Variants in SMIM27 observed in about 807,000 individuals in gnomAD.
The protein encoded by SMIM27 is transition zone microprotein 1, also known as TOPORS antisense RNA 1 (non-protein coding).
Under a neutral mutation model 1.8 loss-of-function variants are expected in SMIM27, and 3 were observed. The observed-to-expected ratio is 1.65, with a 90% CI of 0.75 to 4.28. The LOEUF is 4.28. Among genes scored for constraint, SMIM27 ranks in the 30% most tolerant of loss-of-function variants. The pLI is 0.02. For missense variants in SMIM27, 63 were observed against 37.0 expected (o/e 1.70, Z -1.83); for synonymous variants, 19 against 13.9 (o/e 1.37, Z -0.82).
chr9:32,555,604 A>T (rs1563990892), downstream of SMIM27, among the ~76,000 whole-genome samples: 1 of 152,268 alleles, frequency 6.6e-6, no homozygotes, highest in African/African-American at 2.4e-5. Flanking sequence ...CTAAATGTTA[A>T]GGGAAATGGA....
At chr9:32,553,597 T>A (rs1821366664), downstream of SMIM27, 1 of 375,600 alleles carries the variant, frequency 2.7e-6, no homozygotes, top group East Asian at 6.1e-5. Context: ...AAGTACTGTG[T>A]AAGAAAAAAA....
intron 1 of SMIM27, among the ~76,000 whole-genome samples, chr9:32,565,150 A>C (rs1821744187): frequency 6.6e-6 from 1 of 152,090 alleles, no homozygotes; most frequent in South Asian, 2.1e-4. Context: ...AAAATTAGTC[A>C]GCCATGGTGG....
At chr9:32,554,027 C>T (rs777380669), downstream of SMIM27, 114 of 856,148 alleles carry the variant, frequency 1.3e-4, no homozygotes, top group Non-Finnish European at 2.0e-4. Context: ...TTCATCAGAT[C>T]TCACATGGAA....
In SMIM27 at chr9:32,558,117, A is replaced by ATTTTTTTT. The variant is rs74178816; in HGVS notation, c.45+5643_45+5650dup. Among the ~76,000 whole-genome samples the ATTTTTTTT allele has an allele frequency of 1.5e-3, 201 of 135,238 alleles. 11 individuals are homozygous for ATTTTTTTT. In the East Asian group the frequency reaches 0.015, roughly 10 times the overall value. 88.7% of individuals were successfully genotyped at this position (135,238 alleles called of 152,430 possible). ...TATAGCTCACACATTCATAGTATAC[A>ATTTTTTTT]TTTTTTTTTTTTGAGACGGAGTCTC... On this transcript the variant is annotated intron_variant, in intron 1 of 1. Coordinates refer to the SMIM27 transcript ENST00000451672.
At chr9:32,565,939 T>C (rs1587647596) in intron 1 of SMIM27, among the ~76,000 whole-genome samples, 1 of 151,642 alleles carries the variant, frequency 6.6e-6, no homozygotes, top group East Asian at 1.9e-4. Context: ...ACTACTACAC[T>C]CCAGCCTGGG....
exon 2 of SMIM27, chr9:32,566,794 G>T (rs1821805142): frequency 1.1e-6 from 1 of 917,238 alleles, no homozygotes; most frequent in East Asian, 2.7e-5. Flanking sequence ...ACGTTGTACA[G>T]GAGGTCGGCC....
chr9:32,552,868 G>A lies in SMIM27; in HGVS notation c.113G>A (p.Arg38Gln). Residue 38 changes from arginine to glutamine, a missense_variant, in exon 2 of 2, where the codon CGA becomes CAA. Arg to Gln is a conservative substitution (Grantham distance 43). Coordinates refer to ENST00000692500, the MANE Select transcript of SMIM27 (RefSeq NM_001387564.1). ...TATGCTTCGATGGTGTCTGCAAGACGACAGCTAAGGAAGAAATACCCAGAC... is the reference window on the plus strand; with the variant it reads ...TATGCTTCGATGGTGTCTGCAAGACAACAGCTAAGGAAGAAATACCCAGAC... ...IIYASMVSARRQLRKKYPDKI... is the reference protein window; with the variant it reads ...IIYASMVSARQQLRKKYPDKI... 1.4e-6 allele frequency: 1 copy of A among 702,680 alleles called. No individual in the cohort carries two copies. The highest frequency in any genetic ancestry group is 2.7e-5 in the East Asian group (1 of 37,272). The allele number at this position is 702,680 out of a possible 1,614,324, so 43.5% of individuals were successfully genotyped here.
intron 1 of SMIM27, among the ~76,000 whole-genome samples, chr9:32,563,448 C>T (rs926362354): frequency 4.1e-5 from 6 of 146,444 alleles, no homozygotes; most frequent in African/African-American, 1.0e-4. Flanking sequence ...TGGGCTCAAG[C>T]GATCCTCCTG....
intron 1 of SMIM27, among the ~76,000 whole-genome samples, chr9:32,564,531 TATAAC>T (rs1430525352): frequency 6.6e-6 from 1 of 152,114 alleles, no homozygotes; most frequent in East Asian, 1.9e-4. Flanking sequence ...AAAAGTACAT[TATAAC>T]ATGTCATTAA....
chr9:32,559,213 C>A (rs969461534), intron 1 of SMIM27, among the ~76,000 whole-genome samples: 2 of 152,128 alleles, frequency 1.3e-5, no homozygotes, highest in East Asian at 3.9e-4. Flanking sequence ...CACTCTTATT[C>A]CCCCAGTTAT....
chr9:32,557,909 A>C (rs775492169), downstream of SMIM27, among the ~76,000 whole-genome samples: 4 of 152,196 alleles, frequency 2.6e-5, no homozygotes, highest in Non-Finnish European at 5.9e-5. Flanking sequence ...AGCAAGAATC[A>C]CACTTTTGTT....
chr9:32,564,140 A>G (rs1821708620), intron 1 of SMIM27, among the ~76,000 whole-genome samples: 1 of 152,206 alleles, frequency 6.6e-6, no homozygotes, highest in Non-Finnish European at 1.5e-5. Context: ...ACAAACACGC[A>G]TGCACACATC....
chr9:32,552,725 A>C, intron 1 of SMIM27, 76 bp from the exon 2 acceptor site: 2 of 674,524 alleles, frequency 3.0e-6, no homozygotes, highest in South Asian at 3.1e-5. Context: ...CACCTTAGCA[A>C]TGGCAACGGT....
Position 32,552,340 on chromosome 9 carries a change from A to C in SMIM27, c.-95A>C. On this transcript the variant is annotated 5_prime_UTR_variant, in exon 1 of 2. Transcript: ENST00000692500. ...GGGCGGGCGCTCGTGCCCGGCTAAA[A>C]GATGGCTGCTGGCGCCTGGCAGCCA... 1 of 1,543,318 alleles carries C rather than the reference A, an allele frequency of 6.5e-7. No homozygotes were observed. The highest frequency in any genetic ancestry group is 8.8e-7 in the Non-Finnish European group (1 of 1,136,302).
chr9:32,562,613 A>C (rs968376125), intron 1 of SMIM27, among the ~76,000 whole-genome samples: 1 of 152,232 alleles, frequency 6.6e-6, no homozygotes, highest in Non-Finnish European at 1.5e-5. Flanking sequence ...TTTTTCCTTG[A>C]ATCACTTTAT....
chr9:32,556,335 A>T (rs1051802220), downstream of SMIM27, among the ~76,000 whole-genome samples: 1 of 152,200 alleles, frequency 6.6e-6, no homozygotes, highest in South Asian at 2.1e-4. Context: ...CTAAGCTTAG[A>T]TCCTAAAAAT....
At chr9:32,565,335 G>T (rs189612236) in intron 1 of SMIM27, 1 of 151,998 alleles carries the variant, frequency 6.6e-6, no homozygotes, top group African/African-American at 2.4e-5. Flanking sequence ...GTCCTTTTAT[G>T]TTCTTTATGG....
downstream of SMIM27, among the ~76,000 whole-genome samples, chr9:32,556,846 CTTTTTTTTTTTT>C (rs10703297): frequency 1.2e-5 from 1 of 82,384 alleles, no homozygotes; most frequent in African/African-American, 4.6e-5. Flanking sequence ...AAATCCCCTA[CTTTTTTTTTTTT>C]TTTTTTTTTT....
At chr9:32,559,031 A>T (rs1425314607) in intron 1 of SMIM27, 4 of 1,005,988 alleles carry the variant, frequency 4.0e-6, no homozygotes, top group Non-Finnish European at 6.0e-6. Context: ...TCATACCCCA[A>T]ATTTTAACTT....
Sources: allele counts gnomAD v4.1 joint callset (sites outside exome capture counted in the v4.1 genomes callset), GRCh38; gene constraint gnomAD v4.1.1; transcripts MANE v1.5; gene names NCBI Gene and HGNC (gene_info 2026-07-23, HGNC 2026-07-21).